Variants in DCC observed in about 807,000 individuals in gnomAD.
The protein encoded by DCC is DCC netrin 1 receptor, also known as netrin receptor DCC.
A neutral mutation model predicts 172.5 loss-of-function variants in DCC; 58 were observed. That is an observed-to-expected ratio of 0.34 (90% CI 0.27 to 0.42). DCC has a LOEUF of 0.42. DCC is among the 10% of genes least tolerant of loss of function. DCC has a pLI of 1.00. For missense variants in DCC, 1,740 were observed against 1,791.0 expected (o/e 0.97, Z 0.51); for synonymous variants, 709 against 644.5 (o/e 1.10, Z -1.52).
At chr18:52,861,075 A>T (rs1250245648) in intron 2 of DCC, among the ~76,000 whole-genome samples, 1 of 152,084 alleles carries the variant, frequency 6.6e-6, no homozygotes, top group Non-Finnish European at 1.5e-5. Context: ...CTCAGGTTAG[A>T]CTTTTAAAAG....
At chr18:53,125,292 G>T (rs1315303844) in intron 7 of DCC, among the ~76,000 whole-genome samples, 2 of 151,948 alleles carry the variant, frequency 1.3e-5, no homozygotes, top group African/African-American at 2.4e-5. Flanking sequence ...TTTTCACAGA[G>T]AATTTCTTCT....
At chr18:52,609,704 T>C (rs1429172352) in intron 1 of DCC, among the ~76,000 whole-genome samples, 2 of 151,760 alleles carry the variant, frequency 1.3e-5, no homozygotes, top group Admixed American at 6.6e-5. Context: ...TGATTACTTC[T>C]TATATCTGGA....
intron 5 of DCC, among the ~76,000 whole-genome samples, chr18:53,042,383 G>A (rs989590793): frequency 6.6e-6 from 1 of 151,912 alleles, no homozygotes; most frequent in African/African-American, 2.4e-5. Context: ...TAAGCTTTTT[G>A]ATGTGCTGCT....
chr18:52,913,874 T>C (rs898022277), intron 3 of DCC, among the ~76,000 whole-genome samples: 1 of 152,022 alleles, frequency 6.6e-6, no homozygotes, highest in African/African-American at 2.4e-5. Flanking sequence ...AAAAAAATAG[T>C]GAAAAGACCT....
At chr18:52,504,408 C>G (rs1208205497) in intron 1 of DCC, among the ~76,000 whole-genome samples, 1 of 152,124 alleles carries the variant, frequency 6.6e-6, no homozygotes, top group African/African-American at 2.4e-5. Flanking sequence ...TTCTACCCCT[C>G]TGAGTTTCTT....
chr18:52,906,378 T>A, intron 3 of DCC, 50 bp downstream of exon 3: 1 of 1,590,426 alleles, frequency 6.3e-7, no homozygotes, highest in Non-Finnish European at 8.6e-7. Context: ...CTGGAATAAG[T>A]TGAAAAACAA....
intron 9 of DCC, among the ~76,000 whole-genome samples, chr18:53,179,492 G>T (rs1009293787): frequency 1.3e-5 from 2 of 152,106 alleles, no homozygotes; most frequent in African/African-American, 4.8e-5. Flanking sequence ...AAAGGTAAAA[G>T]AACAATAACA....
At chr18:53,176,328 G>C (rs1190057896) in intron 8 of DCC, among the ~76,000 whole-genome samples, 2 of 134,700 alleles carry the variant, frequency 1.5e-5, no homozygotes, top group Non-Finnish European at 3.1e-5. Flanking sequence ...ATTGACAAAT[G>C]GGATCTAATT....
chr18:52,897,716 A>T (rs200220709), intron 2 of DCC, among the ~76,000 whole-genome samples: 3 of 151,874 alleles, frequency 2.0e-5, no homozygotes, highest in Non-Finnish European at 2.9e-5. Flanking sequence ...AAGATCACAT[A>T]GGGTGAACAT....
At chr18:53,291,919 A>G (rs2144751058) in intron 12 of DCC, among the ~76,000 whole-genome samples, 1 of 152,298 alleles carries the variant, frequency 6.6e-6, no homozygotes, top group African/African-American at 2.4e-5. Context: ...TTTTGTCAAA[A>G]CGTGAATACC....
At chr18:52,842,987 G>T (rs1477765553) in intron 2 of DCC, among the ~76,000 whole-genome samples, 1 of 152,142 alleles carries the variant, frequency 6.6e-6, no homozygotes, top group Non-Finnish European at 1.5e-5. Context: ...TAATTTAGGT[G>T]CTTTTTAGAT....
intron 5 of DCC, among the ~76,000 whole-genome samples, chr18:53,048,637 G>GATAT (rs201525949): frequency 6.7e-6 from 1 of 149,646 alleles, no homozygotes; most frequent in Non-Finnish European, 1.5e-5. Flanking sequence ...AAGAAAATGT[G>GATAT]ATATATATAT....
chr18:53,257,558 A>C (rs1427180718), intron 12 of DCC, among the ~76,000 whole-genome samples: 2 of 152,222 alleles, frequency 1.3e-5, no homozygotes, highest in African/African-American at 4.8e-5. Context: ...CCCAGGGATG[A>C]AGCCCACTTG....
chr18:53,226,948 A>ATAT lies in DCC; in HGVS notation c.1911+11352_1911+11353insATT. Among the ~76,000 whole-genome samples the ATAT allele has an allele frequency of 2.4e-3, 128 of 52,958 alleles. 3 individuals are homozygous for ATAT. The highest frequency in any genetic ancestry group is 3.2e-3 in the East Asian group (13 of 4,000). 34.7% of individuals were successfully genotyped at this position (52,958 alleles called of 152,430 possible). On this transcript the variant is annotated intron_variant, in intron 12 of 28. Transcript: ENST00000442544. ...TGTGTGTGTGTGTATATATATATATATTTTTTTTTTTTTTTTTTTGAGGCA... is the reference window on the plus strand; with the variant it reads ...TGTGTGTGTGTGTATATATATATATATATTTTTTTTTTTTTTTTTTTTGAGGCA...
At chr18:53,449,605 T>C (rs546623692) in intron 22 of DCC, among the ~76,000 whole-genome samples, 39 of 152,306 alleles carry the variant, frequency 2.6e-4, no homozygotes, top group African/African-American at 8.7e-4. Flanking sequence ...AGTTTGTCTT[T>C]TACAGCATCA....
At chr18:53,200,375 A>C (rs561079882) in intron 9 of DCC, among the ~76,000 whole-genome samples, 1 of 152,210 alleles carries the variant, frequency 6.6e-6, no homozygotes. Flanking sequence ...GTTAGACTAC[A>C]TAAAGTGCCT....
intron 1 of DCC, among the ~76,000 whole-genome samples, chr18:52,414,787 T>G (rs79988360): frequency 0.019 from 2,846 of 152,300 alleles, 93 homozygotes; most frequent in African/African-American, 0.065. Context: ...TATAAAATTT[T>G]CTCATTCTGT....
At chr18:53,419,253 G>C (rs1051017404) in intron 21 of DCC, among the ~76,000 whole-genome samples, 9 of 152,074 alleles carry the variant, frequency 5.9e-5, no homozygotes, top group African/African-American at 1.9e-4. Context: ...ATGGAGAATG[G>C]GGTATCCATC....
intron 2 of DCC, among the ~76,000 whole-genome samples, chr18:52,795,112 T>C (rs572991060): frequency 2.6e-4 from 40 of 152,166 alleles, no homozygotes; most frequent in Non-Finnish European, 5.2e-4. Flanking sequence ...AATCTTTGTC[T>C]GGTGTTGGTA....
Sources: allele counts gnomAD v4.1 joint callset (sites outside exome capture counted in the v4.1 genomes callset), GRCh38; gene constraint gnomAD v4.1.1; transcripts MANE v1.5; gene names NCBI Gene and HGNC (gene_info 2026-07-23, HGNC 2026-07-21).